SPATA18: variants seen among roughly 807,000 people sequenced by gnomAD.
SPATA18 encodes spermatogenesis associated 18, also known as mitochondria-eating protein.
A neutral mutation model predicts 68.1 loss-of-function variants in SPATA18; 54 were observed. That is an observed-to-expected ratio of 0.79 (90% CI 0.64 to 0.99). SPATA18 has a LOEUF of 0.99. SPATA18 is among the 50% of genes least tolerant of loss of function. SPATA18 has a pLI of 0.00. For missense variants in SPATA18, 724 were observed against 681.1 expected (o/e 1.06, Z -0.70); for synonymous variants, 242 against 244.8 (o/e 0.99, Z 0.11).
intron 7 of SPATA18, 60 bp downstream of exon 7, chr4:52,077,100 C>T (rs552279406): frequency 1.3e-6 from 2 of 1,506,380 alleles, no homozygotes; most frequent in East Asian, 4.9e-5. Context: ...AGTTCTGTAA[C>T]GTGAATGGAA....
intron 11 of SPATA18, among the ~76,000 whole-genome samples, chr4:52,085,441 C>G (rs554639266): frequency 2.6e-5 from 4 of 152,164 alleles, no homozygotes; most frequent in Non-Finnish European, 5.9e-5. Flanking sequence ...AATGTGTCCT[C>G]AACTTCAAAT....
chr4:52,084,356 C>G (rs1741233532), intron 10 of SPATA18, among the ~76,000 whole-genome samples: 2 of 152,218 alleles, frequency 1.3e-5, no homozygotes, highest in African/African-American at 4.8e-5. Context: ...AAAGAAAGAA[C>G]TTGGAAAAGA....
rs1742346502 is a variant in SPATA18 at position 52,095,478 on chromosome 4, A to T, written c.*591A>T. 1 of 152,202 alleles carries T rather than the reference A, an allele frequency of 6.6e-6. No homozygotes were observed. The highest frequency in any genetic ancestry group is 1.5e-5 in the Non-Finnish European group (1 of 68,084). 9.4% of individuals were successfully genotyped at this position (152,202 alleles called of 1,614,324 possible). ...CTTTATATATTAGCCAACAAATTATATTTATTGGTTGGCTTGCTTTTCCGT... is the reference window on the plus strand; with the variant it reads ...CTTTATATATTAGCCAACAAATTATTTTTATTGGTTGGCTTGCTTTTCCGT... On this transcript the variant is annotated 3_prime_UTR_variant, in exon 13 of 13. Coordinates refer to ENST00000295213, the MANE Select transcript of SPATA18 (RefSeq NM_145263.4).
intron 1 of SPATA18, among the ~76,000 whole-genome samples, chr4:52,057,197 TAGCTTTGTTTCCTG>T (rs1350546924): frequency 6.6e-6 from 1 of 152,244 alleles, no homozygotes; most frequent in Admixed American, 6.5e-5. Flanking sequence ...TTTTTTAATA[TAGCTTTGTTTCCTG>T]AGCTTTGTTT....
In SPATA18 at chr4:52,075,101, G is replaced by T. The variant is rs186865239; in HGVS notation, c.759-1678G>T. On this transcript the variant is annotated intron_variant, in intron 6 of 12. Coordinates refer to ENST00000295213, the MANE Select transcript of SPATA18 (RefSeq NM_145263.4). ...AGGTTGTGGCTGTGATGGCTTAGGA[G>T]AAAGAAGTGCCCCTCTGTCACAAGG... Among the ~76,000 whole-genome samples, 109 of 152,262 alleles carry T rather than the reference G, an allele frequency of 7.2e-4. 1 individual carries two copies. The East Asian group carries it at 0.014, about 19-fold the overall frequency.
intron 11 of SPATA18, among the ~76,000 whole-genome samples, chr4:52,089,240 T>C (rs1475411774): frequency 6.6e-6 from 1 of 152,228 alleles, no homozygotes; most frequent in Non-Finnish European, 1.5e-5. Flanking sequence ...AACCAGCTCC[T>C]GGATTCATTG....
At chr4:52,080,004 A>C in intron 9 of SPATA18, 85 bp downstream of exon 9, 1 of 1,418,692 alleles carries the variant, frequency 7.0e-7, no homozygotes, top group South Asian at 1.4e-5. Flanking sequence ...AAGGAAAAGA[A>C]CTCTGGGTGG....
At chr4:52,066,995 A>G (rs1311343219) in intron 4 of SPATA18, among the ~76,000 whole-genome samples, 1 of 152,202 alleles carries the variant, frequency 6.6e-6, no homozygotes, top group African/African-American at 2.4e-5. Context: ...AGAATTATTT[A>G]TATTCCCTTG....
chr4:52,080,030 C>A (rs555178127), intron 9 of SPATA18, 111 bp downstream of exon 9: 12 of 1,201,592 alleles, frequency 1.0e-5, no homozygotes, highest in East Asian at 9.5e-5. Context: ...TTAACAGACA[C>A]TACCTGATTT....
intron 9 of SPATA18, among the ~76,000 whole-genome samples, chr4:52,080,528 T>A (rs1420397306): frequency 6.6e-6 from 1 of 152,150 alleles, no homozygotes; most frequent in East Asian, 1.9e-4. Context: ...GTATTGTGAT[T>A]TCTTGAGATC....
chr4:52,067,801 C>T (rs1356713841), intron 4 of SPATA18, among the ~76,000 whole-genome samples: 2 of 152,190 alleles, frequency 1.3e-5, no homozygotes, highest in African/African-American at 2.4e-5. Context: ...TATTTATGAT[C>T]TATCTCCCCA....
chr4:52,079,654 C>T lies in SPATA18; in HGVS notation c.1180-90C>T, dbSNP rs1412542185. ...CTTGCTTTGGCTCACATTCTCTTTT[C>T]CCACCTCCCATCAATCCTAATATTC... On this transcript the variant is annotated intron_variant, in intron 8 of 12. Coordinates refer to ENST00000295213, the MANE Select transcript of SPATA18 (RefSeq NM_145263.4). 5 of 1,432,010 alleles carry T rather than the reference C, an allele frequency of 3.5e-6. No homozygotes were observed. In the African/African-American group the frequency reaches 4.3e-5, roughly 12 times the overall value. 88.7% of individuals were successfully genotyped at this position (1,432,010 alleles called of 1,614,324 possible).
intron 11 of SPATA18, among the ~76,000 whole-genome samples, chr4:52,089,759 G>A (rs530084258): frequency 1.3e-5 from 2 of 152,330 alleles, no homozygotes; most frequent in South Asian, 4.1e-4. Context: ...TGTATATTCT[G>A]TTGATTTGGG....
chr4:52,059,812 A>G (rs907663120), intron 1 of SPATA18, among the ~76,000 whole-genome samples: 2 of 152,256 alleles, frequency 1.3e-5, no homozygotes, highest in African/African-American at 4.8e-5. Flanking sequence ...TATATAATAT[A>G]TACAAATTGA....
rs538805593 is a variant in SPATA18, at chr4:52,089,886, T to A, written c.1564-4641T>A. Among the ~76,000 whole-genome samples the A allele has an allele frequency of 2.0e-5, 3 of 152,330 alleles. No homozygotes were observed. In the East Asian group the frequency reaches 5.8e-4, roughly 29 times the overall value. On this transcript the variant is annotated intron_variant, in intron 11 of 12. Coordinates refer to ENST00000295213, the MANE Select transcript of SPATA18 (RefSeq NM_145263.4). The stretch of plus-strand genomic sequence containing the variant: ...CTGTCTAATATTGACAGTGGGGTGT[T>A]AAAGTCTCTCACTATTATTGTGTGG...
At chr4:52,070,325 T>G (rs1323500118) in intron 5 of SPATA18, among the ~76,000 whole-genome samples, 1 of 152,190 alleles carries the variant, frequency 6.6e-6, no homozygotes, top group Non-Finnish European at 1.5e-5. Flanking sequence ...TTCATTATGT[T>G]CCATCATTTG....
intron 6 of SPATA18, among the ~76,000 whole-genome samples, chr4:52,072,437 C>T (rs1739945606): frequency 6.6e-6 from 1 of 151,998 alleles, no homozygotes. Flanking sequence ...GAGTCCCGCT[C>T]TGTCACCCAG....
At chr4:52,064,790 T>A (rs1241745813) in intron 4 of SPATA18, among the ~76,000 whole-genome samples, 1 of 152,210 alleles carries the variant, frequency 6.6e-6, no homozygotes, top group Non-Finnish European at 1.5e-5. Flanking sequence ...TGGGCAGGTA[T>A]GCAGTAGTGG....
At chr4:52,076,205 G>C (rs1177830786) in intron 6 of SPATA18, among the ~76,000 whole-genome samples, 4 of 152,172 alleles carry the variant, frequency 2.6e-5, no homozygotes, top group Non-Finnish European at 4.4e-5. Flanking sequence ...CAGATGGGGA[G>C]AGCGTAGGTA....
Sources: gnomAD v4.1 joint callset for allele counts (sites outside exome capture counted in the v4.1 genomes callset) on GRCh38, gnomAD v4.1.1 for gene constraint, MANE v1.5 for transcripts, NCBI Gene and HGNC (gene_info 2026-07-23, HGNC 2026-07-21) for gene names.